Variants in STIM1 observed in about 807,000 individuals in gnomAD.
The protein encoded by STIM1 is stromal interaction molecule 1.
In STIM1, 25 loss-of-function variants were observed where a neutral mutation model predicts 74.7. That is an observed-to-expected ratio of 0.33 (90% CI 0.24 to 0.47). STIM1 has a LOEUF of 0.47. STIM1 is among the 20% of genes least tolerant of loss of function. The pLI, the probability that STIM1 is intolerant of heterozygous loss-of-function variation, is 1.00. For missense variants in STIM1, 728 were observed against 920.8 expected, an observed-to-expected ratio of 0.79 and a Z score of 2.71; for synonymous variants, 328 against 348.8, an observed-to-expected ratio of 0.94 and a Z score of 0.66.
chr11:3,979,815 T>C (rs1221415649), intron 2 of STIM1, among the ~76,000 whole-genome samples: 2 of 152,216 alleles, frequency 1.3e-5, no homozygotes, highest in African/African-American at 4.8e-5. Context: ...ATAAACATTT[T>C]ATGTTTATTT....
At chr11:3,904,782 G>A (rs11600648) in intron 1 of STIM1, among the ~76,000 whole-genome samples, 140 of 152,192 alleles carry the variant, frequency 9.2e-4, no homozygotes, top group Non-Finnish European at 1.5e-3. Flanking sequence ...AGAGAGAGCC[G>A]GGGAAGTTAA....
At chr11:3,864,667 C>G (rs1049776627) in intron 1 of STIM1, among the ~76,000 whole-genome samples, 4 of 152,210 alleles carry the variant, frequency 2.6e-5, no homozygotes, top group Non-Finnish European at 4.4e-5. Context: ...GTTAGTAAGT[C>G]CAGCCCATCC....
At chr11:4,005,474 G>T (rs377428272) in intron 2 of STIM1, among the ~76,000 whole-genome samples, 4 of 150,394 alleles carry the variant, frequency 2.7e-5, no homozygotes, top group Admixed American at 1.3e-4. Flanking sequence ...GTAAACTATC[G>T]CAAGGACAAA....
intron 1 of STIM1, among the ~76,000 whole-genome samples, chr11:3,919,938 C>T (rs1053846933): frequency 1.3e-5 from 2 of 152,052 alleles, no homozygotes; most frequent in Non-Finnish European, 2.9e-5. Context: ...ATTAGTCTGG[C>T]ATGGTGGCAT....
At chr11:4,014,774 T>G (rs996836330) in intron 2 of STIM1, among the ~76,000 whole-genome samples, 11 of 152,240 alleles carry the variant, frequency 7.2e-5, no homozygotes, top group Non-Finnish European at 1.5e-4. Context: ...TTAGCTCTTC[T>G]TGTTGAATTG....
Position 4,070,014 on chromosome 11 carries a change from C to T in STIM1, c.614-12C>T, listed in dbSNP as rs765257498. The T allele has an allele frequency of 6.2e-7, 1 of 1,613,782 alleles. No homozygotes were observed. The highest frequency in any genetic ancestry group is 8.5e-7 in the Non-Finnish European group (1 of 1,180,002). ...GGCACCCTAACTCATCATGCCCTCC[C>T]CTCTCTGGCAGTGACTCGCCATAAT... On this transcript the variant is annotated splice_polypyrimidine_tract_variant and intron_variant, in intron 5 of 12. Transcript: ENST00000526596.
chr11:3,949,081 A>T (rs903525929), intron 1 of STIM1, among the ~76,000 whole-genome samples: 1 of 152,214 alleles, frequency 6.6e-6, no homozygotes, highest in Non-Finnish European at 1.5e-5. Context: ...AAATGTAGGC[A>T]TAGAGAATTT....
chr11:4,025,238 G>T (rs1177649470), intron 3 of STIM1, among the ~76,000 whole-genome samples: 1 of 152,162 alleles, frequency 6.6e-6, no homozygotes, highest in African/African-American at 2.4e-5. Context: ...ATCTGAAAGG[G>T]ATAATCTATA....
At chr11:3,942,138 T>A (rs1681165006) in intron 1 of STIM1, among the ~76,000 whole-genome samples, 1 of 152,032 alleles carries the variant, frequency 6.6e-6, no homozygotes, top group African/African-American at 2.4e-5. Context: ...GGTTTGAAGG[T>A]AGGGTAGAAT....
intron 7 of STIM1, among the ~76,000 whole-genome samples, chr11:4,078,876 C>A (rs1056022624): frequency 6.6e-6 from 1 of 151,604 alleles, no homozygotes; most frequent in Non-Finnish European, 1.5e-5. Context: ...TAGCGAGGAC[C>A]CTTTACTCTT....
intron 7 of STIM1, among the ~76,000 whole-genome samples, chr11:4,075,967 A>G (rs936648824): frequency 6.6e-6 from 1 of 152,052 alleles, no homozygotes; most frequent in African/African-American, 2.4e-5. Flanking sequence ...TTTATTGGCC[A>G]TTTGATTTGG....
At chr11:3,981,793 C>T (rs959712893) in intron 2 of STIM1, among the ~76,000 whole-genome samples, 2 of 152,044 alleles carry the variant, frequency 1.3e-5, no homozygotes, top group African/African-American at 4.8e-5. Flanking sequence ...GATTACTGTA[C>T]TTAAAATGAT....
chr11:4,064,148 C>T (rs1036171917), intron 5 of STIM1, among the ~76,000 whole-genome samples: 9 of 152,144 alleles, frequency 5.9e-5, no homozygotes, highest in African/African-American at 2.2e-4. Context: ...CAGCAGCTGT[C>T]CTGATGGCAA....
chr11:4,066,852 G>A (rs1305623436), intron 5 of STIM1, among the ~76,000 whole-genome samples: 1 of 152,154 alleles, frequency 6.6e-6, no homozygotes, highest in Non-Finnish European at 1.5e-5. Context: ...ATGGGAATGG[G>A]ATTATAATGG....
intron 2 of STIM1, among the ~76,000 whole-genome samples, chr11:3,995,811 C>CT (rs71466144): frequency 0.014 from 1,941 of 137,864 alleles, 9 homozygotes; most frequent in Non-Finnish European, 0.017. Flanking sequence ...CACCTGGCTT[C>CT]TTTTTTTTTT....
chr11:3,854,752 G>C (rs3813879), upstream of STIM1: 1 of 152,050 alleles, frequency 6.6e-6, no homozygotes, highest in Non-Finnish European at 1.5e-5. Flanking sequence ...AAAAAGGGCT[G>C]TGAGAGCTAA....
intron 2 of STIM1, among the ~76,000 whole-genome samples, chr11:4,021,687 A>G (rs1183691828): frequency 2.0e-5 from 3 of 152,148 alleles, no homozygotes; most frequent in Non-Finnish European, 4.4e-5. Context: ...TTCCATATGA[A>G]TTTTAGGATT....
At chr11:3,973,326 G>C in intron 2 of STIM1, 1 of 448,620 alleles carries the variant, frequency 2.2e-6, no homozygotes, top group Non-Finnish European at 4.4e-6. Context: ...TCTTTGGCTA[G>C]ATGAAACACT....
chr11:4,086,812 CCCCCTTCTGACAGCACCGCTGTGATG>C, intron 12 of STIM1: 1 of 1,536,524 alleles, frequency 6.5e-7, no homozygotes, highest in Non-Finnish European at 8.7e-7. Flanking sequence ...CCCTGACACA[CCCCCTTCTGACAGCACCGCTGTGATG>C]CCTGGGCATT....
Sources: allele counts gnomAD v4.1 joint callset (sites outside exome capture counted in the v4.1 genomes callset), GRCh38; gene constraint gnomAD v4.1.1; transcripts MANE v1.5; gene names NCBI Gene and HGNC (gene_info 2026-07-23, HGNC 2026-07-21).